RHOBTB3: variants seen among roughly 807,000 people sequenced by gnomAD.
The protein encoded by RHOBTB3 is rho-related BTB domain-containing protein 3.
RHOBTB3 carries 47 observed loss-of-function variants against 67.2 expected under a neutral mutation model. The observed-to-expected ratio is 0.70, with a 90% CI of 0.55 to 0.89. The LOEUF (loss-of-function observed/expected upper bound fraction) is 0.89. RHOBTB3 is among the 40% of genes least tolerant of loss of function. RHOBTB3 has a pLI of 0.00. For synonymous variants in RHOBTB3, 273 were observed against 274.2 expected, an observed-to-expected ratio of 1.00 and a Z score of 0.04; for missense variants, 631 against 750.0, an observed-to-expected ratio of 0.84 and a Z score of 1.85.
intron 7 of RHOBTB3, among the ~76,000 whole-genome samples, chr5:95,766,020 C>A (rs1169763488): frequency 6.6e-6 from 1 of 152,036 alleles, no homozygotes; most frequent in Non-Finnish European, 1.5e-5. Context: ...ACTCCCATGC[C>A]CGAATTCCTT....
upstream of RHOBTB3, among the ~76,000 whole-genome samples, chr5:95,727,633 C>T (rs1755097360): frequency 6.6e-6 from 1 of 152,114 alleles, no homozygotes; most frequent in African/African-American, 2.4e-5. Flanking sequence ...TCTGTTAACA[C>T]TGGTAAAATA....
chr5:95,785,683 T>G (rs904464634), intron 10 of RHOBTB3, among the ~76,000 whole-genome samples: 1 of 152,224 alleles, frequency 6.6e-6, no homozygotes, highest in Non-Finnish European at 1.5e-5. Context: ...TAAATTTAGT[T>G]TACAATTTTT....
rs904718514 is a variant in RHOBTB3 at position 95,762,659 on chromosome 5, G to T, written c.1049-849G>T. 3.3e-5 allele frequency among the ~76,000 whole-genome samples: 5 copies of T among 152,134 alleles called. No homozygotes were observed. The East Asian group carries it at 9.6e-4, about 29-fold the overall frequency. On this transcript the variant is annotated intron_variant, in intron 6 of 11. Coordinates refer to ENST00000379982, the MANE Select transcript of RHOBTB3 (RefSeq NM_014899.4). Reference sequence around the variant, plus strand: ...CTTCTATAAATCATAGGATGGATGCGTGTAATCTCTTGGAATGTCATGATC... The same window carrying T: ...CTTCTATAAATCATAGGATGGATGCTTGTAATCTCTTGGAATGTCATGATC...
At chr5:95,751,192 G>A (rs1000229478) in intron 4 of RHOBTB3, 3 of 152,168 alleles carry the variant, frequency 2.0e-5, no homozygotes, top group Non-Finnish European at 4.4e-5. Context: ...AGAAGAAAGC[G>A]AAGTTTCCTG....
chr5:95,772,553 C>G (rs571602586), intron 8 of RHOBTB3, among the ~76,000 whole-genome samples: 5 of 152,246 alleles, frequency 3.3e-5, no homozygotes, highest in Non-Finnish European at 7.4e-5. Context: ...CAGTCATCCC[C>G]TAAGACTCTG....
intron 4 of RHOBTB3, among the ~76,000 whole-genome samples, chr5:95,751,749 C>T (rs185508946): frequency 5.0e-4 from 76 of 152,256 alleles, no homozygotes; most frequent in African/African-American, 1.8e-3. Flanking sequence ...TCCATATGTA[C>T]TCAATGTTTA....
chr5:95,757,967 G>GA (rs1185631202), intron 6 of RHOBTB3, among the ~76,000 whole-genome samples: 4 of 152,260 alleles, frequency 2.6e-5, no homozygotes, highest in Non-Finnish European at 5.9e-5. Flanking sequence ...CATGTTAAGA[G>GA]AAAAAAGATG....
At chr5:95,788,672 C>A in intron 10 of RHOBTB3, 90 bp from the exon 11 acceptor site, 1 of 812,632 alleles carries the variant, frequency 1.2e-6, no homozygotes, top group East Asian at 2.8e-5. Flanking sequence ...AATATGGGCT[C>A]TCCGTGATTG....
intron 8 of RHOBTB3, among the ~76,000 whole-genome samples, chr5:95,768,388 T>A (rs1424483103): frequency 6.6e-6 from 1 of 152,190 alleles, no homozygotes; most frequent in African/African-American, 2.4e-5. Flanking sequence ...ATTTTTTCCT[T>A]TGCCATATGC....
rs142851689 is a variant in RHOBTB3 at position 95,742,116 on chromosome 5, G to C, written c.415+5041G>C. Among the ~76,000 whole-genome samples the C allele has an allele frequency of 6.3e-4, 96 of 152,248 alleles. 2 individuals carry two copies. In the East Asian group the frequency reaches 6.9e-3, roughly 11 times the overall value. ...AATCAGCCATTTCTTCAGGAACTCT[G>C]GTTCCTTCTAGGGGGCAATGATATT... On this transcript the variant is annotated intron_variant, in intron 3 of 11. Coordinates refer to ENST00000379982, the MANE Select transcript of RHOBTB3 (RefSeq NM_014899.4).
At position 95,780,269 on chromosome 5, in the gene RHOBTB3, C is replaced by G. The variant is rs1746008373; in HGVS notation, c.1300C>G (p.His434Asp). ...CCTTTCAGGTACGACAGTGCCAGCCCACAGGGCCATCCTGGTGGCCCGTTG... is the reference window on the plus strand; with the variant it reads ...CCTTTCAGGTACGACAGTGCCAGCCGACAGGGCCATCCTGGTGGCCCGTTG... The part of the protein sequence containing the change: ...FEIQGTTVPA[H>D]RAILVARCEV... Residue 434 changes from histidine to aspartate, a missense_variant, in exon 9 of 12, where the codon CAC becomes GAC. Physicochemically the swap from His to Asp is moderately conservative, Grantham distance 81 (BLOSUM62 -1). Transcript: ENST00000379982. 1 of 1,613,776 alleles carries G rather than the reference C, an allele frequency of 6.2e-7. No individual in the cohort carries two copies. Among genetic ancestry groups the G allele is most frequent in the East Asian group, 2.2e-5 (1 of 44,890 alleles).
At chr5:95,740,426 C>T (rs1295443090) in intron 3 of RHOBTB3, among the ~76,000 whole-genome samples, 2 of 152,234 alleles carry the variant, frequency 1.3e-5, no homozygotes, top group Non-Finnish European at 2.9e-5. Context: ...GGTTAAATTC[C>T]CTTTGGCAAC....
chr5:95,761,277 C>G (rs977628017), intron 6 of RHOBTB3, among the ~76,000 whole-genome samples: 4 of 151,740 alleles, frequency 2.6e-5, no homozygotes, highest in African/African-American at 9.7e-5. Context: ...TTACATGTTC[C>G]CTTTCCTGCA....
chr5:95,735,151 T>C (rs966586537), intron 2 of RHOBTB3, among the ~76,000 whole-genome samples: 1 of 152,198 alleles, frequency 6.6e-6, no homozygotes, highest in Non-Finnish European at 1.5e-5. Flanking sequence ...AGAGTTCTGC[T>C]GGGAAGCTTT....
rs186006541 is a variant in RHOBTB3 at position 95,758,932 on chromosome 5, C to T, written c.1048+3171C>T. Among the ~76,000 whole-genome samples, 325 of 152,316 alleles carry T rather than the reference C, an allele frequency of 2.1e-3. 2 individuals carry two copies. Among genetic ancestry groups the T allele is most frequent in the African/African-American group, 7.4e-3 (307 of 41,562 alleles). ...GGGCCTAGAATTCAGTGCAGAGGCC[C>T]AGGAAGGCTACCAAGTTAACAGCTT... On this transcript the variant is annotated intron_variant, in intron 6 of 11. Transcript: ENST00000379982.
At chr5:95,746,271 A>G (rs1293630755) in intron 3 of RHOBTB3, among the ~76,000 whole-genome samples, 1 of 152,046 alleles carries the variant, frequency 6.6e-6, no homozygotes, top group Non-Finnish European at 1.5e-5. Flanking sequence ...CATTATGTTC[A>G]CTTCACTTTT....
chr5:95,753,536 G>A (rs968298247), intron 5 of RHOBTB3, among the ~76,000 whole-genome samples: 3 of 152,040 alleles, frequency 2.0e-5, no homozygotes, highest in Admixed American at 6.6e-5. Flanking sequence ...TGGAATTTAA[G>A]GGACCTCATC....
intron 6 of RHOBTB3, among the ~76,000 whole-genome samples, chr5:95,756,635 G>A (rs40099): frequency 1.3e-5 from 2 of 151,940 alleles, no homozygotes; most frequent in Non-Finnish European, 2.9e-5. Flanking sequence ...TGTGCACAAG[G>A]GTTCCAATTT....
At chr5:95,753,576 C>T (rs1377878797) in intron 5 of RHOBTB3, among the ~76,000 whole-genome samples, 1 of 151,818 alleles carries the variant, frequency 6.6e-6, no homozygotes, top group Non-Finnish European at 1.5e-5. Flanking sequence ...ATATAGACCA[C>T]ATATATATAT....
Sources: gnomAD v4.1 joint callset for allele counts (sites outside exome capture counted in the v4.1 genomes callset) on GRCh38, gnomAD v4.1.1 for gene constraint, MANE v1.5 for transcripts, NCBI Gene and HGNC (gene_info 2026-07-23, HGNC 2026-07-21) for gene names.